Variants in SMYD3 observed in about 807,000 individuals in gnomAD.
The protein encoded by SMYD3 is histone-lysine N-methyltransferase SMYD3.
A neutral mutation model predicts 57.7 loss-of-function variants in SMYD3; 36 were observed. That is an observed-to-expected ratio of 0.62 (90% CI 0.48 to 0.82). The LOEUF (loss-of-function observed/expected upper bound fraction) is 0.82, where lower values mean the gene tolerates loss of function less well. Among genes scored for constraint, SMYD3 ranks in the 40% least tolerant of loss-of-function variants. The probability of loss-of-function intolerance (pLI) is 0.00; values close to 1 mark genes in which losing one functional copy is unlikely to be tolerated. For missense variants in SMYD3, 515 were observed against 538.8 expected (o/e 0.96, Z 0.44); for synonymous variants, 211 against 195.0 (o/e 1.08, Z -0.68).
In SMYD3 at chr1:246,101,079, T is replaced by G. The variant is rs1053979069; in HGVS notation, c.532-171142A>C. Among the ~76,000 whole-genome samples the G allele has an allele frequency of 1.9e-3, 244 of 125,824 alleles. 2 individuals are homozygous for G. The highest frequency in any genetic ancestry group is 6.3e-3 in the African/African-American group (207 of 33,044). 82.5% of individuals were successfully genotyped at this position (125,824 alleles called of 152,430 possible). A position where few individuals can be genotyped will look rare whatever the true frequency, so the allele number is the denominator to read the frequency against. ...ATTTTTAGGGGTTTTTTGTTTTTTT[T>G]TTTTTTTTTTTTTTTTTTTTTACAG... is the stretch of plus-strand genomic sequence containing the variant. On this transcript the variant is annotated intron_variant, in intron 5 of 11. Transcript: ENST00000490107.
At chr1:245,896,116 A>T (rs750807518) in intron 8 of SMYD3, among the ~76,000 whole-genome samples, 2 of 152,172 alleles carry the variant, frequency 1.3e-5, no homozygotes, top group Non-Finnish European at 2.9e-5. Flanking sequence ...GCTCTGTGAT[A>T]AAAGAAGATA....
chr1:246,061,953 C>T (rs968126191), intron 5 of SMYD3, among the ~76,000 whole-genome samples: 4 of 152,060 alleles, frequency 2.6e-5, no homozygotes, highest in South Asian at 2.1e-4. Flanking sequence ...AAGGCCACAA[C>T]GTTACAATAT....
chr1:245,828,709 AT>A (rs10626820), intron 10 of SMYD3, among the ~76,000 whole-genome samples: 8 of 147,080 alleles, frequency 5.4e-5, no homozygotes, highest in African/African-American at 1.7e-4. Flanking sequence ...AGTTTTTCTG[AT>A]TTTTTTTTTT....
intron 5 of SMYD3, among the ~76,000 whole-genome samples, chr1:246,143,407 G>C (rs1466609887): frequency 6.6e-6 from 1 of 152,114 alleles, no homozygotes; most frequent in African/African-American, 2.4e-5. Flanking sequence ...GACAGGCATG[G>C]TGCTCACACC....
In SMYD3 at chr1:245,929,887, A is replaced by G; in HGVS notation, c.582T>C (p.Gly194=). 6.2e-7 allele frequency: 1 copy of G among 1,613,798 alleles called. No homozygotes were observed. Among genetic ancestry groups the G allele is most frequent in the South Asian group, 1.1e-5 (1 of 91,074 alleles). The stretch of plus-strand genomic sequence containing the variant: ...CACCATACCTGGGATATAGGCCAAC[A>G]CCAACTTCCTGCATCTCCGCATTAC... ...TICNAEMQEV[G]VGLYPSISLL... Residue 194 remains glycine (G), a synonymous_variant, in exon 6 of 12, where the codon GGT becomes GGC. Transcript: ENST00000490107.
At chr1:246,506,286 A>G (rs554291634) in intron 1 of SMYD3, among the ~76,000 whole-genome samples, 25 of 152,354 alleles carry the variant, frequency 1.6e-4, no homozygotes, top group African/African-American at 5.5e-4. Flanking sequence ...ATAGCACTTT[A>G]CACCGGCACA....
At chr1:246,341,501 T>G (rs2065632644) in intron 2 of SMYD3, among the ~76,000 whole-genome samples, 1 of 152,200 alleles carries the variant, frequency 6.6e-6, no homozygotes, top group Non-Finnish European at 1.5e-5. Flanking sequence ...ATTTTATGAT[T>G]TATTCTAAAA....
At chr1:246,434,576 CA>C (rs1227524397) in intron 1 of SMYD3, among the ~76,000 whole-genome samples, 7 of 152,244 alleles carry the variant, frequency 4.6e-5, no homozygotes, top group Middle Eastern at 3.4e-3. Flanking sequence ...CAGAGAAATG[CA>C]AATCAAAACC....
intron 5 of SMYD3, among the ~76,000 whole-genome samples, chr1:246,302,150 A>C (rs1280651007): frequency 6.6e-6 from 1 of 152,194 alleles, no homozygotes; most frequent in Non-Finnish European, 1.5e-5. Context: ...AAGCAACAAA[A>C]TAATAAGTTA....
intron 1 of SMYD3, among the ~76,000 whole-genome samples, chr1:246,420,726 A>T (rs1400851465): frequency 6.6e-6 from 1 of 152,260 alleles, no homozygotes; most frequent in African/African-American, 2.4e-5. Context: ...TCTTCAAAAA[A>T]GTATTAAAAT....
At chr1:246,055,876 T>C (rs1378551479) in intron 5 of SMYD3, among the ~76,000 whole-genome samples, 1 of 152,088 alleles carries the variant, frequency 6.6e-6, no homozygotes, top group African/African-American at 2.4e-5. Flanking sequence ...GAGTTATCAT[T>C]TAATGGGTTC....
intron 5 of SMYD3, among the ~76,000 whole-genome samples, chr1:246,197,799 T>C (rs2062848898): frequency 6.6e-6 from 1 of 152,196 alleles, no homozygotes. Flanking sequence ...TAGGGAAAAC[T>C]GGGTACAGAA....
intron 1 of SMYD3, among the ~76,000 whole-genome samples, chr1:246,433,116 G>A (rs1367622877): frequency 6.6e-6 from 1 of 152,152 alleles, no homozygotes; most frequent in Non-Finnish European, 1.5e-5. Flanking sequence ...AATGACTTCA[G>A]TAAAGTTTCA....
chr1:246,225,257 A>G (rs12140119), intron 5 of SMYD3, among the ~76,000 whole-genome samples: 31,176 of 148,690 alleles, frequency 0.21, 4,028 homozygotes, highest in East Asian at 0.58. Context: ...AGGGAAAAAC[A>G]AGAAGAGTGT....
intron 5 of SMYD3, among the ~76,000 whole-genome samples, chr1:246,282,468 T>C (rs1379804960): frequency 1.3e-5 from 2 of 151,544 alleles, no homozygotes; most frequent in Non-Finnish European, 2.9e-5. Flanking sequence ...GTGGCGTCAC[T>C]GTGCTGCAGC....
intron 5 of SMYD3, among the ~76,000 whole-genome samples, chr1:246,311,531 T>C (rs2065079342): frequency 1.3e-5 from 2 of 152,260 alleles, no homozygotes; most frequent in Admixed American, 1.3e-4. Flanking sequence ...TGCTAATGAT[T>C]ATTATTCAAA....
intron 10 of SMYD3, among the ~76,000 whole-genome samples, chr1:245,846,572 T>A (rs61830186): frequency 0.031 from 4,778 of 152,206 alleles, 118 homozygotes; most frequent in Non-Finnish European, 0.043. Context: ...CGTCATGGAG[T>A]GTGCAAGTTA....
At chr1:245,921,547 G>GTATATATATATATATA (rs1491323831) in intron 7 of SMYD3, among the ~76,000 whole-genome samples, 1,782 of 34,576 alleles carry the variant, frequency 0.052, 71 homozygotes, top group Middle Eastern at 0.091. Flanking sequence ...AAAAAATGTG[G>GTATATATATATATATA]TGTATATATA....
At chr1:246,318,195 C>A (rs993164406) in intron 5 of SMYD3, among the ~76,000 whole-genome samples, 1 of 152,102 alleles carries the variant, frequency 6.6e-6, no homozygotes, top group Non-Finnish European at 1.5e-5. Flanking sequence ...CCAGCCTGGG[C>A]AACATAGCAA....
Sources: allele counts gnomAD v4.1 joint callset (sites outside exome capture counted in the v4.1 genomes callset), GRCh38; gene constraint gnomAD v4.1.1; transcripts MANE v1.5; gene names NCBI Gene and HGNC (gene_info 2026-07-23, HGNC 2026-07-21).